The following SLC35F3 variants were observed in gnomAD, a reference collection of about 807,000 sequenced individuals.
SLC35F3 encodes the protein solute carrier family 35 member F3.
Under a neutral mutation model 49.9 loss-of-function variants are expected in SLC35F3, and 25 were observed. That is an observed-to-expected ratio of 0.50 (90% confidence interval 0.37 to 0.70). SLC35F3 has a LOEUF of 0.70. Among genes scored for constraint, SLC35F3 ranks in the 30% least tolerant of loss-of-function variants. The pLI is 0.00. For missense variants in SLC35F3, 525 were observed against 639.8 expected (o/e 0.82, Z 1.94); for synonymous variants, 275 against 265.4 (o/e 1.04, Z -0.35).
rs1225643590 is a variant in SLC35F3 at position 234,321,222 on chromosome 1, AGCGGCG to A, written c.1237+1038_1237+1043del. Among the ~76,000 whole-genome samples, 403 of 152,278 alleles carry A rather than the reference AGCGGCG, an allele frequency of 2.6e-3. 2 individuals carry two copies. The highest frequency in any genetic ancestry group is 9.3e-3 in the African/African-American group (387 of 41,556). ...GACTCCCCCAGAAGGACTGCCTCAC[AGCGGCG>A]GCAGTGTACCAGGCCTGGGGGAGGT... On this transcript the variant is annotated intron_variant, in intron 7 of 7. Transcript: ENST00000366618.
At chr1:234,043,727 G>A (rs914306004) in intron 2 of SLC35F3, among the ~76,000 whole-genome samples, 3 of 152,160 alleles carry the variant, frequency 2.0e-5, no homozygotes, top group Non-Finnish European at 4.4e-5. Flanking sequence ...AAATATAATT[G>A]TAAACTATGT....
intron 2 of SLC35F3, among the ~76,000 whole-genome samples, chr1:233,907,110 C>G (rs1165536659): frequency 6.6e-6 from 1 of 152,140 alleles, no homozygotes; most frequent in East Asian, 1.9e-4. Context: ...ATGGATAGAA[C>G]GCTCAAGTTT....
chr1:233,950,083 A>G (rs1320652485), intron 2 of SLC35F3, among the ~76,000 whole-genome samples: 1 of 152,050 alleles, frequency 6.6e-6, no homozygotes, highest in Non-Finnish European at 1.5e-5. Flanking sequence ...TTCTATTTCC[A>G]TTGTATTGAT....
chr1:233,966,450 C>T (rs556005122), intron 2 of SLC35F3, among the ~76,000 whole-genome samples: 60 of 152,158 alleles, frequency 3.9e-4, no homozygotes, highest in South Asian at 8.3e-4. Flanking sequence ...GACAGGAACA[C>T]CCCAGTCAGA....
chr1:234,236,167 A>G (rs1264683630), intron 3 of SLC35F3, among the ~76,000 whole-genome samples: 2 of 152,138 alleles, frequency 1.3e-5, no homozygotes, highest in Non-Finnish European at 2.9e-5. Flanking sequence ...AGGGCCTGGC[A>G]TGGTGGCTCT....
chr1:234,224,781 T>C (rs948813064), intron 2 of SLC35F3, among the ~76,000 whole-genome samples: 7 of 152,168 alleles, frequency 4.6e-5, no homozygotes, highest in Non-Finnish European at 7.3e-5. Context: ...CTGTCCAATA[T>C]ACAAAAGAGA....
At chr1:234,301,752 C>T (rs1159810298) in intron 3 of SLC35F3, among the ~76,000 whole-genome samples, 1 of 152,144 alleles carries the variant, frequency 6.6e-6, no homozygotes, top group African/African-American at 2.4e-5. Flanking sequence ...ATGTTTATTG[C>T]AGCACTATTT....
In SLC35F3 at chr1:234,034,229, CATTT is replaced by C. The variant is rs780581903; in HGVS notation, c.283+128474_283+128477del. On this transcript the variant is annotated intron_variant, in intron 2 of 7. Coordinates refer to ENST00000366618, the MANE Select transcript of SLC35F3 (RefSeq NM_173508.4). ...TTGTATTCTGAAACTTTACTGAATT[CATTT>C]ATCAGATTTAGGAGCTTTTTGGATG... Among the ~76,000 whole-genome samples the C allele has an allele frequency of 1.2e-3, 179 of 152,276 alleles. 1 individual carries two copies. Among genetic ancestry groups the C allele is most frequent in the Non-Finnish European group, 2.0e-3 (137 of 68,016 alleles).
chr1:234,145,320 T>C (rs1399874411), intron 2 of SLC35F3, among the ~76,000 whole-genome samples: 10 of 152,230 alleles, frequency 6.6e-5, no homozygotes, highest in Admixed American at 2.6e-4. Flanking sequence ...TGGGGGAAGC[T>C]CTGGAGTATT....
At chr1:234,292,867 C>G (rs1558100760) in intron 3 of SLC35F3, among the ~76,000 whole-genome samples, 1 of 152,204 alleles carries the variant, frequency 6.6e-6, no homozygotes, top group Non-Finnish European at 1.5e-5. Context: ...AAAGGTACTT[C>G]CAGCTTTAGA....
At chr1:234,035,995 A>G (rs12136790) in intron 2 of SLC35F3, among the ~76,000 whole-genome samples, 48,958 of 152,104 alleles carry the variant, frequency 0.32, 9,552 homozygotes, top group Non-Finnish European at 0.45. Context: ...AGGGCACTAT[A>G]AAGTTGATGG....
intron 2 of SLC35F3, among the ~76,000 whole-genome samples, chr1:234,024,884 T>A (rs1402671454): frequency 6.6e-6 from 1 of 152,214 alleles, no homozygotes; most frequent in African/African-American, 2.4e-5. Flanking sequence ...AAATTGAGTG[T>A]CATTGAGGTT....
chr1:234,222,031 A>G (rs1667214125), intron 2 of SLC35F3, among the ~76,000 whole-genome samples: 1 of 152,218 alleles, frequency 6.6e-6, no homozygotes, highest in Admixed American at 6.5e-5. Context: ...ATGTGAGCAT[A>G]TGTGTGCATG....
At chr1:234,145,309 T>C (rs963208372) in intron 2 of SLC35F3, among the ~76,000 whole-genome samples, 9 of 152,226 alleles carry the variant, frequency 5.9e-5, no homozygotes, top group Non-Finnish European at 1.2e-4. Flanking sequence ...GATCATGCTA[T>C]TGGGGGAAGC....
chr1:234,030,536 C>A (rs1266852120), intron 2 of SLC35F3, among the ~76,000 whole-genome samples: 1 of 152,152 alleles, frequency 6.6e-6, no homozygotes. Context: ...ATTTTACATT[C>A]CCCTGAGAAA....
chr1:233,918,968 G>A (rs1314557895), intron 2 of SLC35F3, among the ~76,000 whole-genome samples: 1 of 152,048 alleles, frequency 6.6e-6, no homozygotes, highest in African/African-American at 2.4e-5. Context: ...TTCAACAAAA[G>A]TACACACAGA....
chr1:234,081,999 C>T (rs1213593437), intron 2 of SLC35F3, among the ~76,000 whole-genome samples: 19 of 147,472 alleles, frequency 1.3e-4, no homozygotes, highest in Admixed American at 1.1e-3. Context: ...TCGTGATCCA[C>T]CCACCTCGGC....
At chr1:234,170,313 T>C (rs567470973) in intron 2 of SLC35F3, among the ~76,000 whole-genome samples, 1 of 152,240 alleles carries the variant, frequency 6.6e-6, no homozygotes, top group African/African-American at 2.4e-5. Flanking sequence ...CACTTACTCG[T>C]ATGGAAAGGA....
At chr1:234,251,443 G>T (rs1667736564) in intron 3 of SLC35F3, among the ~76,000 whole-genome samples, 1 of 122,282 alleles carries the variant, frequency 8.2e-6, no homozygotes, top group African/African-American at 3.2e-5. Flanking sequence ...TAGAAGAAAA[G>T]AGCCCATTTA....
Sources: allele counts gnomAD v4.1 joint callset (sites outside exome capture counted in the v4.1 genomes callset), GRCh38; gene constraint gnomAD v4.1.1; transcripts MANE v1.5; gene names NCBI Gene and HGNC (gene_info 2026-07-23, HGNC 2026-07-21).